Variants in PTPN3 observed in about 807,000 individuals in gnomAD.
PTPN3 encodes the protein tyrosine-protein phosphatase non-receptor type 3.
Under a neutral mutation model 132.7 loss-of-function variants are expected in PTPN3, and 96 were observed. The observed-to-expected ratio is 0.72, with a 90% CI of 0.61 to 0.86. The LOEUF is 0.86. PTPN3 is among the 40% of genes least tolerant of loss of function. The pLI is 0.00. For synonymous variants in PTPN3, 398 were observed against 429.0 expected (o/e 0.93, Z 0.89); for missense variants, 1,125 against 1,159.6 (o/e 0.97, Z 0.43).
the PTPN3 span, among the ~76,000 whole-genome samples, chr9:109,537,655 C>T: frequency 1.3e-5 from 2 of 152,224 alleles, no homozygotes; most frequent in Admixed American, 6.5e-5. Context: ...CTCCAGATCA[C>T]TTCCTGACAC....
At chr9:109,516,707 C>T in the PTPN3 span, among the ~76,000 whole-genome samples, 36 of 152,238 alleles carry the variant, frequency 2.4e-4, no homozygotes, top group African/African-American at 6.7e-4. Context: ...AAAAGACCAT[C>T]GGGCAACAAT....
chr9:109,432,857 A>G (rs1843761212), intron 10 of PTPN3, among the ~76,000 whole-genome samples: 2 of 152,200 alleles, frequency 1.3e-5, no homozygotes, highest in Admixed American at 1.3e-4. Context: ...ATCCCAAACC[A>G]CAGGGTGAGT....
Position 109,420,517 on chromosome 9 carries a change from G to A in PTPN3, c.1220C>T (p.Thr407Met), listed in dbSNP as rs770505018. The change falls in exon 14 of 26, where the codon ACG becomes ATG. Residue 407 changes from threonine to methionine, a missense_variant. Transcript: ENST00000374541. Reference protein sequence around the residue: ...DNLANEMTYITETEDVFYTYK... With the variant: ...DNLANEMTYIMETEDVFYTYK... ...CGTGTAAAATACATCTTCCGTTTCC[G>A]TGATGTAGGTCATTTCATTTGCAAG... The A allele has an allele frequency of 1.1e-5, 17 of 1,613,178 alleles. No individual in the cohort carries two copies. The highest frequency in any genetic ancestry group is 1.3e-5 in the African/African-American group (1 of 74,908).
intron 1 of PTPN3, among the ~76,000 whole-genome samples, chr9:109,494,249 C>A (rs1195333767): frequency 6.6e-6 from 1 of 152,182 alleles, no homozygotes; most frequent in East Asian, 1.9e-4. Flanking sequence ...GGCAGGAGGA[C>A]TGTTTGAGCC....
At chr9:109,407,453 G>GTA (rs899772843) in intron 17 of PTPN3, among the ~76,000 whole-genome samples, 2 of 152,082 alleles carry the variant, frequency 1.3e-5, no homozygotes, top group African/African-American at 4.8e-5. Flanking sequence ...AGTACTATAT[G>GTA]TATAACAAGA....
chr9:109,536,649 G>T, the PTPN3 span, among the ~76,000 whole-genome samples: 1 of 152,182 alleles, frequency 6.6e-6, no homozygotes, highest in East Asian at 1.9e-4. Context: ...CCTTAGGGAA[G>T]ATATGGTGTA....
At chr9:109,536,912 G>C in the PTPN3 span, among the ~76,000 whole-genome samples, 1 of 152,098 alleles carries the variant, frequency 6.6e-6, no homozygotes, top group Admixed American at 6.6e-5. Flanking sequence ...TTAAGTTGTG[G>C]AAATATTCCC....
At chr9:109,464,204 G>A (rs77967173) in intron 1 of PTPN3, among the ~76,000 whole-genome samples, 3 of 152,322 alleles carry the variant, frequency 2.0e-5, no homozygotes, top group African/African-American at 2.4e-5. Context: ...ACCACTGTAC[G>A]ATGGAAAACT....
chr9:109,383,547 T>G lies in PTPN3; in HGVS notation c.2258A>C (p.Lys753Thr), dbSNP rs774723037. The change falls in exon 23 of 26, where the codon AAA (lysine) becomes ACA (threonine). Residue 753 changes from lysine (K) to threonine (T), a missense_variant. Physicochemically the swap from Lys to Thr is moderately conservative, Grantham distance 78. Coordinates refer to ENST00000374541, the MANE Select transcript of PTPN3 (RefSeq NM_002829.4). ...LTTLTERGRT[K>T]CHQYWPDPPD... The stretch of plus-strand genomic sequence containing the variant: ...GGGATCTGGCCAGTACTGGTGACAT[T>G]TGGTCTGTAAGAAACCACCGAGAGT... 6.2e-7 allele frequency: 1 copy of G among 1,613,748 alleles called. No homozygotes were observed. The highest frequency in any genetic ancestry group is 1.7e-5 in the Admixed American group (1 of 59,986).
At chr9:109,480,447 A>T (rs564061017) in intron 1 of PTPN3, among the ~76,000 whole-genome samples, 1 of 152,226 alleles carries the variant, frequency 6.6e-6, no homozygotes, top group East Asian at 1.9e-4. Context: ...CACAAGTGGG[A>T]GCCACTGCGC....
At chr9:109,534,369 C>G in the PTPN3 span, 15 of 1,484,176 alleles carry the variant, frequency 1.0e-5, no homozygotes, top group Non-Finnish European at 1.2e-5. Context: ...GCTGCGGCAG[C>G]TGCGGCTCCT....
At chr9:109,471,684 T>TA (rs1382146821) in intron 1 of PTPN3, among the ~76,000 whole-genome samples, 3 of 151,462 alleles carry the variant, frequency 2.0e-5, no homozygotes, top group Non-Finnish European at 4.4e-5. Context: ...TTTTTTTTTT[T>TA]AAAGAGACAG....
chr9:109,447,741 G>A (rs1042168884), intron 6 of PTPN3, among the ~76,000 whole-genome samples: 2 of 152,082 alleles, frequency 1.3e-5, no homozygotes, highest in African/African-American at 2.4e-5. Context: ...AGACTGAACC[G>A]CCCCTGGCCT....
At chr9:109,484,055 G>A (rs1435575329) in intron 1 of PTPN3, among the ~76,000 whole-genome samples, 2 of 152,112 alleles carry the variant, frequency 1.3e-5, no homozygotes, top group African/African-American at 2.4e-5. Flanking sequence ...ACTCTGTCGC[G>A]AGCTGCCATC....
the PTPN3 span, among the ~76,000 whole-genome samples, chr9:109,505,176 G>C: frequency 6.6e-6 from 1 of 152,202 alleles, no homozygotes; most frequent in Admixed American, 6.5e-5. Context: ...AGGTCACCAT[G>C]GGGGAAGAAG....
At chr9:109,450,833 C>T in intron 5 of PTPN3, 1 of 985,386 alleles carries the variant, frequency 1.0e-6, no homozygotes, top group Non-Finnish European at 1.2e-6. Context: ...ACCTCAACTT[C>T]AGAAAAATGT....
the PTPN3 span, among the ~76,000 whole-genome samples, chr9:109,528,888 ATTTTC>A: frequency 1.3e-5 from 2 of 151,570 alleles, no homozygotes; most frequent in African/African-American, 4.9e-5. Context: ...TTGTGTGTTA[ATTTTC>A]TTTCTTGATA....
chr9:109,495,137 A>G (rs1317739523), intron 1 of PTPN3, among the ~76,000 whole-genome samples: 1 of 152,176 alleles, frequency 6.6e-6, no homozygotes, highest in Non-Finnish European at 1.5e-5. Context: ...TCCTGTCTCT[A>G]TTAGAGTTGG....
rs191958609 is a variant in PTPN3, at chr9:109,493,140, C to T, written c.-18+5079G>A. On this transcript the variant is annotated intron_variant, in intron 1 of 25. Coordinates refer to ENST00000374541, the MANE Select transcript of PTPN3 (RefSeq NM_002829.4). ...GGCTGCAGCCAGGCACAGTGGTTCA[C>T]GCCTGTGATTCCAGCACTTTGAGAG... Among the ~76,000 whole-genome samples, 336 of 152,310 alleles carry T rather than the reference C, an allele frequency of 2.2e-3. 1 individual carries two copies. The highest frequency in any genetic ancestry group is 7.5e-3 in the African/African-American group (312 of 41,556).
Sources: allele counts gnomAD v4.1 joint callset (sites outside exome capture counted in the v4.1 genomes callset), GRCh38; gene constraint gnomAD v4.1.1; transcripts MANE v1.5; gene names NCBI Gene and HGNC (gene_info 2026-07-23, HGNC 2026-07-21).